ANO3: variants seen among roughly 807,000 people sequenced by gnomAD.
ANO3 encodes the protein anoctamin-3.
In ANO3, 99 loss-of-function variants were observed where a neutral mutation model predicts 144.8. The ratio of observed to expected loss-of-function variants is 0.68; its 90% CI spans 0.58 to 0.81. ANO3 has a LOEUF of 0.81. Among genes scored for constraint, ANO3 ranks in the 30% least tolerant of loss-of-function variants. The pLI, the probability that ANO3 is intolerant of heterozygous loss-of-function variation, is 0.00. For synonymous variants in ANO3, 414 were observed against 392.6 expected (o/e 1.05, Z -0.64); for missense variants, 905 against 1,202.2 (o/e 0.75, Z 3.66).
intron 4 of ANO3, among the ~76,000 whole-genome samples, chr11:26,472,235 C>T (rs572707151): frequency 6.6e-6 from 1 of 152,002 alleles, no homozygotes; most frequent in Admixed American, 6.6e-5. Context: ...AATCTACCTC[C>T]TTAATCTGTC....
chr11:26,432,439 G>A (rs368986605), intron 1 of ANO3, among the ~76,000 whole-genome samples: 4 of 152,234 alleles, frequency 2.6e-5, no homozygotes, highest in Admixed American at 2.0e-4. Flanking sequence ...TGCTTTTAGT[G>A]TGATTGCTTT....
intron 1 of ANO3, among the ~76,000 whole-genome samples, chr11:26,291,240 T>C (rs1318145678): frequency 2.0e-5 from 3 of 152,180 alleles, no homozygotes; most frequent in Non-Finnish European, 4.4e-5. Flanking sequence ...CCCTTGCTTT[T>C]TTTTGTTTTC....
rs768245304 is a variant in ANO3 at position 26,598,406 on chromosome 11, C to G, written c.1489C>G (p.Leu497Val). 6.3e-7 allele frequency: 1 copy of G among 1,589,114 alleles called. No individual in the cohort carries two copies. Among genetic ancestry groups the G allele is most frequent in the Admixed American group, 1.8e-5 (1 of 55,952 alleles). Residue 497 changes from leucine to valine, a missense_variant, in exon 15 of 27, where the codon CTG (leucine) becomes GTG (valine). Leu to Val is a conservative substitution (Grantham distance 32, BLOSUM62 1). Around this residue, in one of 4 missense-constraint regions of ANO3, gnomAD observed 597 missense variants for 865.1 expected, o/e 0.69. Coordinates refer to ENST00000256737, the MANE Select transcript of ANO3 (RefSeq NM_031418.4). ...GTTTTGGAAAAGGAGAAGGAGTATA[C>G]TGACCTATACTTGGGACCTTATCGA... The part of the protein sequence containing the change: ...LEFWKRRRSI[L>V]TYTWDLIEWE...
At chr11:26,435,990 C>A (rs1163457999) in intron 1 of ANO3, among the ~76,000 whole-genome samples, 1 of 152,130 alleles carries the variant, frequency 6.6e-6, no homozygotes, top group Admixed American at 6.6e-5. Flanking sequence ...AGAGTTCTTG[C>A]ATTGGTTCTT....
At chr11:26,276,157 G>A (rs12275831) in intron 1 of ANO3, among the ~76,000 whole-genome samples, 40,198 of 151,984 alleles carry the variant, frequency 0.26, 7,261 homozygotes, top group African/African-American at 0.52. Context: ...CAAGTTTCAT[G>A]TCCATTCCTG....
chr11:26,509,789 G>C (rs1289957546), intron 5 of ANO3, among the ~76,000 whole-genome samples: 1 of 151,696 alleles, frequency 6.6e-6, no homozygotes. Flanking sequence ...CCTGGAATTA[G>C]TTTTCTGAGG....
At chr11:26,514,279 T>C (rs1041008877) in intron 5 of ANO3, among the ~76,000 whole-genome samples, 5 of 152,028 alleles carry the variant, frequency 3.3e-5, no homozygotes, top group African/African-American at 7.2e-5. Context: ...CAAAGATGAA[T>C]TGAGTAGACA....
intron 14 of ANO3, among the ~76,000 whole-genome samples, chr11:26,586,792 C>T (rs929704379): frequency 2.0e-5 from 3 of 151,790 alleles, no homozygotes; most frequent in Admixed American, 1.3e-4. Context: ...TGAGCCACCA[C>T]GCCCGGCCTC....
In ANO3 at chr11:26,423,335, T is replaced by C. The variant is rs557093900; in HGVS notation, c.47-18583T>C. Among the ~76,000 whole-genome samples the C allele has an allele frequency of 9.5e-4, 121 of 127,106 alleles. 2 individuals carry two copies. The highest frequency in any genetic ancestry group is 3.1e-3 in the African/African-American group (116 of 37,252). The allele number at this position is 127,106 out of a possible 152,430, so 83.4% of individuals were successfully genotyped here. ...TTTTTTTTTTTTTTTTTTAACAATTTGTGCATCTACTTCCCCTGTGAATAA... is the reference window on the plus strand; with the variant it reads ...TTTTTTTTTTTTTTTTTTAACAATTCGTGCATCTACTTCCCCTGTGAATAA... On this transcript the variant is annotated intron_variant, in intron 1 of 26. Transcript: ENST00000256737.
chr11:26,475,357 A>G (rs1859922212), intron 4 of ANO3, among the ~76,000 whole-genome samples: 1 of 152,034 alleles, frequency 6.6e-6, no homozygotes, highest in African/African-American at 2.4e-5. Flanking sequence ...TCCAATTTGA[A>G]AAAAATTAAT....
In ANO3 at chr11:26,464,865, C is replaced by G. The variant is rs1052935427; in HGVS notation, c.432+1717C>G. Among the ~76,000 whole-genome samples, 3 of 151,880 alleles carry G rather than the reference C, an allele frequency of 2.0e-5. No individual in the cohort carries two copies. In the East Asian group the frequency reaches 5.8e-4, roughly 30 times the overall value. On this transcript the variant is annotated intron_variant, in intron 4 of 26. Coordinates refer to ENST00000256737, the MANE Select transcript of ANO3 (RefSeq NM_031418.4). ...TCTATTAAAATGTGTCCACTTTTAT[C>G]CATTTTATAGTTTTGAGTGCAGCAT... is the stretch of plus-strand genomic sequence containing the variant.
At chr11:26,533,546 T>A (rs1849427472) in intron 8 of ANO3, among the ~76,000 whole-genome samples, 1 of 152,024 alleles carries the variant, frequency 6.6e-6, no homozygotes, top group Non-Finnish European at 1.5e-5. Flanking sequence ...AATTTAATGA[T>A]GCTTGTAGAG....
In ANO3 at chr11:26,481,167, G is replaced by C. The variant is rs574408564; in HGVS notation, c.432+18019G>C. On this transcript the variant is annotated intron_variant, in intron 4 of 26. Transcript: ENST00000256737. ...AAAATAAGGAATTGAGACCTTAAGT[G>C]ACTGCTGCAAGAACATACCACATAG... Among the ~76,000 whole-genome samples, 21 of 152,218 alleles carry C rather than the reference G, an allele frequency of 1.4e-4. No homozygotes were observed. The East Asian group carries it at 3.5e-3, about 25-fold the overall frequency.
intron 1 of ANO3, chr11:26,189,400 T>C: frequency 1.2e-6 from 1 of 863,376 alleles, no homozygotes; most frequent in Middle Eastern, 5.8e-4. Flanking sequence ...ATGTCTGATG[T>C]GTAATAAATA....
intron 4 of ANO3, among the ~76,000 whole-genome samples, chr11:26,500,750 C>T (rs1237063481): frequency 6.6e-6 from 1 of 151,534 alleles, no homozygotes; most frequent in African/African-American, 2.4e-5. Context: ...CTGTGGTTTA[C>T]ACTTTCACTT....
At chr11:26,255,265 T>C (rs1306231774) in intron 1 of ANO3, among the ~76,000 whole-genome samples, 1 of 152,158 alleles carries the variant, frequency 6.6e-6, no homozygotes, top group African/African-American at 2.4e-5. Flanking sequence ...CCATCTGATG[T>C]TATTTCCCTG....
chr11:26,346,444 T>A (rs796351906), intron 1 of ANO3, among the ~76,000 whole-genome samples: 7 of 152,302 alleles, frequency 4.6e-5, no homozygotes, highest in African/African-American at 1.7e-4. Context: ...TCTCTACTTG[T>A]TTTACCATCT....
At chr11:26,526,018 C>A (rs1269832875) in intron 7 of ANO3, among the ~76,000 whole-genome samples, 1 of 151,928 alleles carries the variant, frequency 6.6e-6, no homozygotes, top group Non-Finnish European at 1.5e-5. Context: ...AGTAACAGAA[C>A]AATAAACCTG....
In ANO3 at chr11:26,525,806, T is replaced by G. The variant is rs410617; in HGVS notation, c.737+127T>G. The G allele has an allele frequency of 0.81, 532,690 of 656,940 alleles. 216,742 individuals carry two copies. Among genetic ancestry groups the G allele is most frequent in the Admixed American group, 0.86 (24,850 of 28,898 alleles). The allele number at this position is 656,940 out of a possible 1,614,324, so 40.7% of individuals were successfully genotyped here. ...AAAAATTCTATTGATTTGTCGAAGA[T>G]ATTTCCAAAATAACTTATGCCAAAT... On this transcript the variant is annotated intron_variant, in intron 7 of 26. Coordinates refer to ENST00000256737, the MANE Select transcript of ANO3 (RefSeq NM_031418.4).
Sources: gnomAD v4.1 joint callset for allele counts (sites outside exome capture counted in the v4.1 genomes callset) on GRCh38, gnomAD v4.1.1 for gene constraint, gnomAD v4.1.1 regional missense constraint, MANE v1.5 for transcripts, NCBI Gene and HGNC (gene_info 2026-07-23, HGNC 2026-07-21) for gene names.